HNF4A: variants seen among roughly 807,000 people sequenced by gnomAD.
HNF4A encodes hepatocyte nuclear factor 4-alpha.
A neutral mutation model predicts 52.4 loss-of-function variants in HNF4A; 15 were observed. That is an observed-to-expected ratio of 0.29 (90% CI 0.19 to 0.44). The LOEUF (loss-of-function observed/expected upper bound fraction) is 0.44. Ranked by LOEUF, HNF4A falls within the 20% of genes least tolerant of loss-of-function variation. HNF4A has a pLI of 1.00. For synonymous variants in HNF4A, 280 were observed against 264.4 expected, an observed-to-expected ratio of 1.06 and a Z score of -0.57; for missense variants, 479 against 647.2, an observed-to-expected ratio of 0.74 and a Z score of 2.82.
Position 44,413,753 on chromosome 20 carries a change from C to T in HNF4A, c.445C>T (p.Leu149=). The change falls in exon 4 of 10, where the codon CTG becomes TTG. Residue 149 remains leucine (L), a synonymous_variant. Coordinates refer to ENST00000316099, the MANE Select transcript of HNF4A (RefSeq NM_000457.6). ...AAGGTCAAGCTATGAGGACAGCAGC[C>T]TGCCCTCCATCAATGCGCTCCTGCA... is the stretch of plus-strand genomic sequence containing the variant. 1 of 1,614,024 alleles carries T rather than the reference C, an allele frequency of 6.2e-7. No individual in the cohort carries two copies. The highest frequency in any genetic ancestry group is 8.5e-7 in the Non-Finnish European group (1 of 1,179,962).
At chr20:44,387,895 G>A (rs1437467626) in intron 1 of HNF4A, among the ~76,000 whole-genome samples, 1 of 152,082 alleles carries the variant, frequency 6.6e-6, no homozygotes, top group African/African-American at 2.4e-5. Flanking sequence ...CAAAGATTGT[G>A]ACTTGCAAGA....
chr20:44,398,035 C>T (rs563376249), upstream of HNF4A, among the ~76,000 whole-genome samples: 29 of 152,270 alleles, frequency 1.9e-4, no homozygotes, highest in South Asian at 5.8e-3. Flanking sequence ...TGTATTAAAT[C>T]TGATTTTTAA....
rs556219756 is a variant in HNF4A at position 44,367,999 on chromosome 20, C to T, written c.49+12146C>T. On this transcript the variant is annotated intron_variant, in intron 1 of 9. Transcript: ENST00000316673. ...AACACGAGAGGAGAGTTTATCTCTC[C>T]TTCACGCAGTTGTCCAGGGTCCCCA... is the stretch of plus-strand genomic sequence containing the variant. Among the ~76,000 whole-genome samples the T allele has an allele frequency of 2.7e-5, 4 of 148,808 alleles. No individual in the cohort carries two copies. In the South Asian group the frequency reaches 8.5e-4, roughly 32 times the overall value.
chr20:44,429,682 G>C lies in HNF4A; in HGVS notation c.*17G>C. On this transcript the variant is annotated 3_prime_UTR_variant, in exon 10 of 10. Transcript: ENST00000316099. ...GTTATCTAGCAAGCCGCTGGGGCTT[G>C]GGGGCTCCACTGGCTCCCCCCAGCC... 6.2e-7 allele frequency: 1 copy of C among 1,613,724 alleles called. No individual in the cohort carries two copies. Among genetic ancestry groups the C allele is most frequent in the Non-Finnish European group, 8.5e-7 (1 of 1,179,764 alleles).
downstream of HNF4A, chr20:44,433,780 T>C (rs1380590811): frequency 6.6e-6 from 1 of 152,216 alleles, no homozygotes; most frequent in Non-Finnish European, 1.5e-5. Flanking sequence ...GGCTAAACTA[T>C]TACAGGAGGG....
At chr20:44,363,208 A>G (rs2062936300) in intron 1 of HNF4A, among the ~76,000 whole-genome samples, 1 of 152,144 alleles carries the variant, frequency 6.6e-6, no homozygotes, top group African/African-American at 2.4e-5. Context: ...GGTTGATGAT[A>G]ATACCATTTA....
chr20:44,364,635 A>G (rs1311657052), intron 1 of HNF4A, among the ~76,000 whole-genome samples: 1 of 151,894 alleles, frequency 6.6e-6, no homozygotes, highest in Non-Finnish European at 1.5e-5. Context: ...GCGGCCAGCT[A>G]CTTTTTGTAT....
chr20:44,421,799 AT>A, intron 7 of HNF4A, among the ~76,000 whole-genome samples: 1 of 146,922 alleles, frequency 6.8e-6, no homozygotes, highest in African/African-American at 2.5e-5. Flanking sequence ...TATATTATAT[AT>A]ATATAATATA....
chr20:44,392,029 G>A (rs567457537), intron 1 of HNF4A: 4 of 152,286 alleles, frequency 2.6e-5, no homozygotes, highest in African/African-American at 7.2e-5. Flanking sequence ...TGACCGGTGT[G>A]CAGTCAAGAT....
intron 1 of HNF4A, chr20:44,402,436 G>A (rs1374848948): frequency 8.3e-6 from 4 of 481,434 alleles, no homozygotes; most frequent in South Asian, 3.5e-5. Context: ...CCTGTGCTGC[G>A]GGCGGGGGTC....
At chr20:44,387,275 C>T (rs548077333) in intron 1 of HNF4A, among the ~76,000 whole-genome samples, 4 of 118,138 alleles carry the variant, frequency 3.4e-5, no homozygotes, top group East Asian at 2.4e-4. Context: ...GTGACAAGAG[C>T]GAAACTTCAT....
rs3212207 is a variant in HNF4A at position 44,423,974 on chromosome 20, G to C, written c.893-44G>C. On this transcript the variant is annotated intron_variant, in intron 7 of 9. Coordinates refer to ENST00000316099, the MANE Select transcript of HNF4A (RefSeq NM_000457.6). ...GGGTCTTGACTCCCCAGATGCTCCA[G>C]CTGGACCCTGCTGCCCTCCCTTGCC... 2,191 of 1,599,232 alleles carry C rather than the reference G, an allele frequency of 1.4e-3. 24 individuals carry two copies. The African/African-American group carries it at 0.026, about 19-fold the overall frequency.
At chr20:44,407,758 TGTG>T (rs1440187922) in intron 3 of HNF4A, among the ~76,000 whole-genome samples, 9 of 14,554 alleles carry the variant, frequency 6.2e-4, no homozygotes, top group Non-Finnish European at 9.2e-4. Flanking sequence ...GCAGCCACGT[TGTG>T]TGTGTGTGTG....
At chr20:44,418,773 A>G (rs1211593264) in intron 6 of HNF4A, among the ~76,000 whole-genome samples, 3 of 152,094 alleles carry the variant, frequency 2.0e-5, no homozygotes, top group Non-Finnish European at 4.4e-5. Context: ...CCCTGGAATT[A>G]CCTGTGCATC....
intron 1 of HNF4A, among the ~76,000 whole-genome samples, chr20:44,374,177 G>A (rs1321920594): frequency 6.6e-6 from 1 of 152,122 alleles, no homozygotes; most frequent in Non-Finnish European, 1.5e-5. Context: ...TTCCTCTCTT[G>A]ATGTCAACGT....
At chr20:44,425,837 T>G (rs76937303) in intron 8 of HNF4A, among the ~76,000 whole-genome samples, 8 of 152,144 alleles carry the variant, frequency 5.3e-5, no homozygotes, top group African/African-American at 1.9e-4. Flanking sequence ...CATTCTTATT[T>G]TTTATAGAGA....
Position 44,369,085 on chromosome 20 carries a change from A to G in HNF4A, c.49+13232A>G, listed in dbSNP as rs137975012. On this transcript the variant is annotated intron_variant, in intron 1 of 9. Transcript: ENST00000316673. ...ACATGGTGAAACCCTGTCTCTACTA[A>G]TAATACCAAAAAAATTAGCTGGGCA... 3.9e-4 allele frequency among the ~76,000 whole-genome samples: 59 copies of G among 151,880 alleles called. No homozygotes were observed. In the East Asian group the frequency reaches 0.011, roughly 28 times the overall value.
chr20:44,384,601 A>C (rs547366632), intron 1 of HNF4A: 26 of 152,204 alleles, frequency 1.7e-4, no homozygotes, highest in African/African-American at 6.3e-4. Context: ...TGCTTCCCCA[A>C]CAAGGGCAGC....
intron 1 of HNF4A, chr20:44,390,416 TG>T (rs1380639066): frequency 3.7e-6 from 2 of 533,364 alleles, no homozygotes; most frequent in Non-Finnish European, 6.7e-6. Context: ...AGGAGCCCCT[TG>T]CAGAGCCCTG....
Sources: allele counts gnomAD v4.1 joint callset (sites outside exome capture counted in the v4.1 genomes callset), GRCh38; gene constraint gnomAD v4.1.1; transcripts MANE v1.5; gene names NCBI Gene and HGNC (gene_info 2026-07-23, HGNC 2026-07-21).